Variants in B3GALT1 observed in about 807,000 individuals in gnomAD.
The protein encoded by B3GALT1 is beta-1,3-galactosyltransferase 1.
B3GALT1 carries 10 observed loss-of-function variants against 23.2 expected under a neutral mutation model. That is an observed-to-expected ratio of 0.43 (90% CI 0.27 to 0.73). The LOEUF is 0.73. Among genes scored for constraint, B3GALT1 ranks in the 30% least tolerant of loss-of-function variants. The pLI is 0.21. For synonymous variants in B3GALT1, 156 were observed against 141.5 expected, an observed-to-expected ratio of 1.10 and a Z score of -0.73; for missense variants, 299 against 405.4, an observed-to-expected ratio of 0.74 and a Z score of 2.25.
At chr2:167,748,220 A>G (rs1381398217) in intron 3 of B3GALT1, among the ~76,000 whole-genome samples, 1 of 152,166 alleles carries the variant, frequency 6.6e-6, no homozygotes, top group Non-Finnish European at 1.5e-5. Context: ...TGATGCCATC[A>G]TTATAAATAA....
chr2:167,306,016 A>G (rs560105287), intron 1 of B3GALT1, among the ~76,000 whole-genome samples: 15 of 152,158 alleles, frequency 9.9e-5, no homozygotes, highest in African/African-American at 3.4e-4. Flanking sequence ...TTGGAAAACA[A>G]TTTGGCAGTA....
chr2:167,408,541 T>C (rs1291843898), intron 1 of B3GALT1, among the ~76,000 whole-genome samples: 1 of 151,826 alleles, frequency 6.6e-6, no homozygotes, highest in East Asian at 1.9e-4. Context: ...GATAAAGAAA[T>C]GAAGGATATC....
At chr2:167,655,493 A>G (rs1429838838) in intron 3 of B3GALT1, among the ~76,000 whole-genome samples, 1 of 152,214 alleles carries the variant, frequency 6.6e-6, no homozygotes, top group Non-Finnish European at 1.5e-5. Flanking sequence ...ACATCTTGTT[A>G]CATGTACATA....
At chr2:167,531,451 G>T (rs1558894923) in intron 2 of B3GALT1, among the ~76,000 whole-genome samples, 1 of 152,244 alleles carries the variant, frequency 6.6e-6, no homozygotes, top group East Asian at 1.9e-4. Context: ...TGAACCTGCT[G>T]TGGTGAGTAG....
At chr2:167,323,560 G>A (rs190286243) in intron 1 of B3GALT1, among the ~76,000 whole-genome samples, 20 of 152,198 alleles carry the variant, frequency 1.3e-4, no homozygotes, top group Admixed American at 2.6e-4. Flanking sequence ...AGTATGTATA[G>A]TCAGAAGTTG....
intron 1 of B3GALT1, among the ~76,000 whole-genome samples, chr2:167,318,605 GTTCA>G (rs1394282965): frequency 6.6e-6 from 1 of 152,034 alleles, no homozygotes; most frequent in Non-Finnish European, 1.5e-5. Flanking sequence ...TTAAAAACGA[GTTCA>G]TTAAGATTTC....
Position 167,445,311 on chromosome 2 carries a change from C to T in B3GALT1, c.-510-44866C>T, listed in dbSNP as rs367583204. Among the ~76,000 whole-genome samples, 34 of 152,202 alleles carry T rather than the reference C, an allele frequency of 2.2e-4. No individual in the cohort carries two copies. The East Asian group carries it at 2.3e-3, about 10-fold the overall frequency. ...TACGTGGTCAATTTTGGAATAAGTG[C>T]GATGTGGTGCTGAGAGGTATGTATA... On this transcript the variant is annotated intron_variant, in intron 1 of 4. Transcript: ENST00000392690.
intron 3 of B3GALT1, among the ~76,000 whole-genome samples, chr2:167,776,697 C>T (rs180915374): frequency 4.6e-5 from 7 of 152,224 alleles, no homozygotes; most frequent in East Asian, 1.9e-4. Context: ...TGAGGTCGTC[C>T]GGGTCTATGA....
intron 3 of B3GALT1, among the ~76,000 whole-genome samples, chr2:167,720,251 GT>G (rs1283287053): frequency 1.3e-5 from 2 of 152,110 alleles, no homozygotes; most frequent in Non-Finnish European, 2.9e-5. Flanking sequence ...TGTTTATTTA[GT>G]TTTGTGGTTT....
intron 2 of B3GALT1, among the ~76,000 whole-genome samples, chr2:167,646,485 T>A (rs1327118720): frequency 2.0e-5 from 3 of 152,222 alleles, no homozygotes; most frequent in Admixed American, 1.3e-4. Context: ...ACCAATGTAG[T>A]TGCTTACATA....
intron 1 of B3GALT1, among the ~76,000 whole-genome samples, chr2:167,469,425 A>G (rs1193032200): frequency 6.6e-6 from 1 of 152,246 alleles, no homozygotes; most frequent in Non-Finnish European, 1.5e-5. Flanking sequence ...AATGACTTGG[A>G]AAAACAAAAT....
At chr2:167,525,664 C>T (rs948269282) in intron 2 of B3GALT1, among the ~76,000 whole-genome samples, 1 of 151,768 alleles carries the variant, frequency 6.6e-6, no homozygotes, top group Non-Finnish European at 1.5e-5. Context: ...GACAGGGTCT[C>T]ACTTTGTCAC....
At chr2:167,626,062 G>A (rs182151631) in intron 2 of B3GALT1, among the ~76,000 whole-genome samples, 2 of 148,676 alleles carry the variant, frequency 1.3e-5, no homozygotes, top group African/African-American at 5.0e-5. Context: ...CAGCTCAACT[G>A]AAAGTACAGC....
intron 3 of B3GALT1, among the ~76,000 whole-genome samples, chr2:167,781,254 T>C (rs1688240410): frequency 6.6e-6 from 1 of 152,136 alleles, no homozygotes; most frequent in African/African-American, 2.4e-5. Flanking sequence ...AATTTAAGGG[T>C]GAAAAAGAGA....
At chr2:167,821,371 A>G (rs868742094) in intron 4 of B3GALT1, among the ~76,000 whole-genome samples, 17 of 150,980 alleles carry the variant, frequency 1.1e-4, no homozygotes, top group African/African-American at 4.1e-4. Flanking sequence ...TATCCAATTT[A>G]TCTTCTTTGG....
chr2:167,605,984 G>A (rs1245500456), intron 2 of B3GALT1, among the ~76,000 whole-genome samples: 6 of 152,222 alleles, frequency 3.9e-5, no homozygotes, highest in African/African-American at 1.2e-4. Flanking sequence ...TAGGTCAATT[G>A]GATGGCTCTA....
At chr2:167,737,061 A>G (rs985935805) in intron 3 of B3GALT1, among the ~76,000 whole-genome samples, 3 of 151,996 alleles carry the variant, frequency 2.0e-5, no homozygotes, top group Non-Finnish European at 4.4e-5. Flanking sequence ...TGCAGATTTT[A>G]AAATCTATTT....
chr2:167,488,041 TAAAA>T (rs766361563), intron 1 of B3GALT1, among the ~76,000 whole-genome samples: 1 of 151,892 alleles, frequency 6.6e-6, no homozygotes, highest in African/African-American at 2.4e-5. Context: ...TAAATTCTGT[TAAAA>T]AAAAGGTCTT....
chr2:167,704,412 C>G lies in B3GALT1; in HGVS notation c.-352+57446C>G, dbSNP rs138886659. ...AAGTGAAAATGAGACACCACTAACA[C>G]TCCCTAGAGATCATCTAACCTTCCT... On this transcript the variant is annotated intron_variant, in intron 3 of 4. Transcript: ENST00000392690. Among the ~76,000 whole-genome samples, 343 of 152,178 alleles carry G rather than the reference C, an allele frequency of 2.3e-3. 7 individuals carry two copies. The East Asian group carries it at 0.024, about 11-fold the overall frequency.
Sources: allele counts gnomAD v4.1 joint callset (sites outside exome capture counted in the v4.1 genomes callset), GRCh38; gene constraint gnomAD v4.1.1; transcripts MANE v1.5; gene names NCBI Gene and HGNC (gene_info 2026-07-23, HGNC 2026-07-21).